The following PDE11A variants were observed in gnomAD, a reference collection of about 807,000 sequenced individuals.
The protein encoded by PDE11A is phosphodiesterase 11A.
A neutral mutation model predicts 100.5 loss-of-function variants in PDE11A; 100 were observed. The ratio of observed to expected loss-of-function variants is 1.00; its 90% confidence interval spans 0.85 to 1.18. The LOEUF is 1.18. Ranked by LOEUF, PDE11A falls within the 50% of genes most tolerant of loss-of-function variation. The probability of loss-of-function intolerance (pLI) is 0.00; values close to 1 mark genes in which losing one functional copy is unlikely to be tolerated. For missense variants in PDE11A, 1,141 were observed against 1,152.6 expected (o/e 0.99, Z 0.15); for synonymous variants, 381 against 420.8 (o/e 0.91, Z 1.16).
chr2:177,898,178 A>G lies in PDE11A; in HGVS notation c.1182T>C (p.Asn394=), dbSNP rs2084640129. 1 of 1,608,358 alleles carries G rather than the reference A, an allele frequency of 6.2e-7. No individual in the cohort carries two copies. The highest frequency in any genetic ancestry group is 1.3e-5 in the African/African-American group (1 of 74,950). The change falls in exon 4 of 20, where the codon AAT becomes AAC. Residue 394 remains asparagine, a synonymous_variant. Coordinates refer to ENST00000286063, the MANE Select transcript of PDE11A (RefSeq NM_016953.4). ...ERSRALLEVV[N]DLFEEQTDLE... is the part of the protein sequence containing the mutation. ...GGTCAGTCTGTTCTTCAAAGAGGTCATTAACCACCTCTAGCAAAGCCTAGA... is the reference window on the plus strand; with the variant it reads ...GGTCAGTCTGTTCTTCAAAGAGGTCGTTAACCACCTCTAGCAAAGCCTAGA...
chr2:177,923,163 T>G (rs10190154), intron 2 of PDE11A, among the ~76,000 whole-genome samples: 13,023 of 151,590 alleles, frequency 0.086, 531 homozygotes, highest in South Asian at 0.1. Flanking sequence ...ATTTATTAAT[T>G]TATTATTTAT....
intron 19 of PDE11A, among the ~76,000 whole-genome samples, chr2:177,641,133 G>A (rs1326411441): frequency 6.6e-6 from 1 of 152,122 alleles, no homozygotes; most frequent in Non-Finnish European, 1.5e-5. Flanking sequence ...ACCTGAGCTT[G>A]CCATTCACTT....
At chr2:177,805,002 G>C (rs1264578405) in intron 9 of PDE11A, among the ~76,000 whole-genome samples, 1 of 151,596 alleles carries the variant, frequency 6.6e-6, no homozygotes, top group Non-Finnish European at 1.5e-5. Flanking sequence ...TAGGGTGATG[G>C]ATACACTAAA....
chr2:177,936,079 G>C (rs1414754468), intron 2 of PDE11A, among the ~76,000 whole-genome samples: 2 of 152,174 alleles, frequency 1.3e-5, no homozygotes, highest in Non-Finnish European at 2.9e-5. Context: ...TACCGTCTTA[G>C]GGAACCACAG....
At position 178,072,041 on chromosome 2, in the gene PDE11A, C is replaced by T. The variant is rs187229119; in HGVS notation, c.397G>A (p.Val133Met). 6.2e-6 allele frequency: 10 copies of T among 1,613,858 alleles called. No individual in the cohort carries two copies. The Middle Eastern group carries it at 8.2e-4, about 133-fold the overall frequency. Reference protein sequence around the residue: ...KSFARSKAIHVNRTYDEQVTS... With the variant: ...KSFARSKAIHMNRTYDEQVTS... ...ACCTGTTCATCGTAGGTCCTGTTCACGTGGATGGCCTTGGAGCGGGCAAAA... is the reference window on the plus strand; with the variant it reads ...ACCTGTTCATCGTAGGTCCTGTTCATGTGGATGGCCTTGGAGCGGGCAAAA... The change falls in exon 1 of 20, where the codon GTG (valine) becomes ATG (methionine). Residue 133 changes from valine to methionine, a missense_variant. Transcript: ENST00000286063.
intron 5 of PDE11A, among the ~76,000 whole-genome samples, chr2:177,841,061 A>C (rs979744941): frequency 1.3e-5 from 2 of 152,208 alleles, no homozygotes; most frequent in African/African-American, 4.8e-5. Flanking sequence ...TAATAATTAA[A>C]ACTATTTTCA....
intron 5 of PDE11A, among the ~76,000 whole-genome samples, chr2:177,870,375 G>A (rs1367816571): frequency 2.0e-5 from 3 of 152,150 alleles, no homozygotes; most frequent in Non-Finnish European, 4.4e-5. Context: ...CAGCATTTAA[G>A]TCCAATCTAT....
At chr2:177,922,855 A>T in intron 2 of PDE11A, 2 of 981,674 alleles carry the variant, frequency 2.0e-6, no homozygotes, top group Non-Finnish European at 2.4e-6. Flanking sequence ...GTCACAATAG[A>T]TTATCCATGC....
intron 1 of PDE11A, among the ~76,000 whole-genome samples, chr2:178,028,035 A>G (rs2105838737): frequency 6.6e-6 from 1 of 152,270 alleles, no homozygotes; most frequent in African/African-American, 2.4e-5. Flanking sequence ...AGGTTAGAAA[A>G]AATCAGGCAT....
At chr2:178,051,150 T>C (rs980061715) in intron 1 of PDE11A, among the ~76,000 whole-genome samples, 35 of 152,276 alleles carry the variant, frequency 2.3e-4, no homozygotes, top group African/African-American at 5.8e-4. Context: ...AGACTAACAG[T>C]GGATCTCTCA....
chr2:177,671,538 A>G (rs944975437), intron 17 of PDE11A, among the ~76,000 whole-genome samples: 17 of 151,986 alleles, frequency 1.1e-4, no homozygotes, highest in Non-Finnish European at 2.2e-4. Context: ...AGAAGGGCCT[A>G]TTGTTTTCTC....
At chr2:178,091,649 T>C (rs935466562) in intron 2 of PDE11A, among the ~76,000 whole-genome samples, 26 of 152,168 alleles carry the variant, frequency 1.7e-4, no homozygotes, top group African/African-American at 5.3e-4. Context: ...ATTTGGGTGA[T>C]AGAACACTTG....
In PDE11A at chr2:177,644,266, C is replaced by T. The variant is rs141539228; in HGVS notation, c.2647-14704G>A. ...AAAATAGCTGGGAGGGAGGCTGTACCCTACAAAGCCACAGGGGCAGAGCTT... is the reference window on the plus strand; with the variant it reads ...AAAATAGCTGGGAGGGAGGCTGTACTCTACAAAGCCACAGGGGCAGAGCTT... On this transcript the variant is annotated intron_variant, in intron 19 of 19. Transcript: ENST00000286063. Among the ~76,000 whole-genome samples the T allele has an allele frequency of 1.4e-4, 22 of 152,356 alleles. No individual in the cohort carries two copies. In the East Asian group the frequency reaches 4.2e-3, roughly 29 times the overall value.
intron 6 of PDE11A, among the ~76,000 whole-genome samples, chr2:177,833,457 C>T (rs2083342417): frequency 6.6e-6 from 1 of 152,178 alleles, no homozygotes. Context: ...AGACCCTCAG[C>T]AGCTGATGCT....
chr2:178,079,328 C>T (rs535585798), intron 2 of PDE11A, among the ~76,000 whole-genome samples: 1 of 151,946 alleles, frequency 6.6e-6, no homozygotes, highest in South Asian at 2.1e-4. Context: ...ATGTTGTTCC[C>T]CACCTCCCCA....
At chr2:177,857,246 A>G (rs1225211711) in intron 5 of PDE11A, among the ~76,000 whole-genome samples, 2 of 152,004 alleles carry the variant, frequency 1.3e-5, no homozygotes, top group Admixed American at 6.6e-5. Flanking sequence ...CAAATAAACA[A>G]AAACTGAGAA....
At chr2:178,096,894 G>GT (rs1056740027) in intron 2 of PDE11A, among the ~76,000 whole-genome samples, 27 of 148,702 alleles carry the variant, frequency 1.8e-4, no homozygotes, top group African/African-American at 3.5e-4. Context: ...GGCACATTTT[G>GT]TTTTTTTTTT....
At chr2:177,797,711 G>A (rs188587532) in intron 9 of PDE11A, among the ~76,000 whole-genome samples, 4 of 152,296 alleles carry the variant, frequency 2.6e-5, no homozygotes, top group East Asian at 3.9e-4. Flanking sequence ...CTCAAAGTAC[G>A]TTCCTTAGAC....
intron 9 of PDE11A, among the ~76,000 whole-genome samples, chr2:177,811,935 A>T (rs1433750022): frequency 6.6e-6 from 1 of 152,200 alleles, no homozygotes; most frequent in African/African-American, 2.4e-5. Context: ...GACTTTAAGC[A>T]GGTAGTAATT....
Sources: gnomAD v4.1 joint callset for allele counts (sites outside exome capture counted in the v4.1 genomes callset) on GRCh38, gnomAD v4.1.1 for gene constraint, MANE v1.5 for transcripts, NCBI Gene and HGNC (gene_info 2026-07-23, HGNC 2026-07-21) for gene names.